The following GRIN2A variants were observed in gnomAD, a reference collection of about 807,000 sequenced individuals.
GRIN2A encodes glutamate receptor ionotropic, NMDA 2A.
A neutral mutation model predicts 113.4 loss-of-function variants in GRIN2A; 22 were observed. The observed-to-expected ratio is 0.19, with a 90% CI of 0.14 to 0.28. The LOEUF (loss-of-function observed/expected upper bound fraction) is 0.28, where lower values mean the gene tolerates loss of function less well. Among genes scored for constraint, GRIN2A ranks in the 10% least tolerant of loss-of-function variants. The probability of loss-of-function intolerance (pLI) is 1.00; values close to 1 mark genes in which losing one functional copy is unlikely to be tolerated. For synonymous variants in GRIN2A, 827 were observed against 738.4 expected, an observed-to-expected ratio of 1.12 and a Z score of -1.94; for missense variants, 1,502 against 1,887.0, an observed-to-expected ratio of 0.80 and a Z score of 3.78.
chr16:9,962,499 A>G (rs2045463013), intron 2 of GRIN2A, among the ~76,000 whole-genome samples: 1 of 152,052 alleles, frequency 6.6e-6, no homozygotes, highest in Admixed American at 6.6e-5. Context: ...GCAGCCAAAA[A>G]ACACATGAAA....
intron 4 of GRIN2A, among the ~76,000 whole-genome samples, chr16:9,867,682 G>A (rs544781569): frequency 1.3e-5 from 2 of 152,198 alleles, no homozygotes; most frequent in African/African-American, 4.8e-5. Context: ...TGAGTTCTCT[G>A]CCCTAGACTG....
intron 2 of GRIN2A, among the ~76,000 whole-genome samples, chr16:9,997,819 G>C (rs556995905): frequency 6.6e-6 from 1 of 152,056 alleles, no homozygotes; most frequent in Admixed American, 6.6e-5. Context: ...ATAAAGGGCA[G>C]TTCCCTTGCA....
intron 9 of GRIN2A, among the ~76,000 whole-genome samples, chr16:9,829,122 T>G (rs1222289998): frequency 6.6e-6 from 1 of 152,168 alleles, no homozygotes; most frequent in African/African-American, 2.4e-5. Context: ...ACCTAAGCAC[T>G]TGAGTCATAG....
chr16:10,038,671 GTC>G (rs145580821), intron 2 of GRIN2A, among the ~76,000 whole-genome samples: 20,992 of 151,082 alleles, frequency 0.14, 2,312 homozygotes, highest in East Asian at 0.5. Context: ...GTGAAACCCT[GTC>G]TCTACTATAA....
intron 2 of GRIN2A, among the ~76,000 whole-genome samples, chr16:10,096,781 T>G (rs2048302045): frequency 6.6e-6 from 1 of 152,146 alleles, no homozygotes; most frequent in African/African-American, 2.4e-5. Context: ...CTTCCCCTAC[T>G]GGTCAGTCCC....
intron 2 of GRIN2A, among the ~76,000 whole-genome samples, chr16:10,098,903 C>T (rs2048344028): frequency 6.6e-6 from 1 of 151,578 alleles, no homozygotes; most frequent in Admixed American, 6.6e-5. Flanking sequence ...CACTGAACTA[C>T]TCATGTAACC....
At position 10,018,214 on chromosome 16, in the gene GRIN2A, C is replaced by T. The variant is rs74979271; in HGVS notation, c.415-79663G>A. Among the ~76,000 whole-genome samples the T allele has an allele frequency of 6.6e-5, 10 of 152,250 alleles. No homozygotes were observed. In the East Asian group the frequency reaches 1.5e-3, roughly 24 times the overall value. On this transcript the variant is annotated intron_variant, in intron 2 of 12. Transcript: ENST00000330684. ...TCGTTTAGGAGGCAAAGCAGATGCA[C>T]GTGGGCCATTTCAAATAGAAAACCA...
chr16:10,142,954 T>G (rs1366860706), intron 2 of GRIN2A, among the ~76,000 whole-genome samples: 1 of 152,218 alleles, frequency 6.6e-6, no homozygotes, highest in Non-Finnish European at 1.5e-5. Flanking sequence ...ATGTAATTTG[T>G]TTGGTAATTA....
chr16:9,778,278 C>T lies in GRIN2A; in HGVS notation c.2357-9189G>A, dbSNP rs2267782. Among the ~76,000 whole-genome samples the T allele has an allele frequency of 1.9e-3, 296 of 152,236 alleles. 6 individuals carry two copies. The East Asian group carries it at 0.043, about 22-fold the overall frequency. On this transcript the variant is annotated intron_variant, in intron 11 of 12. Transcript: ENST00000330684. ...AGACGGCAGAAACCTTGTAGGAATC[C>T]AGGAAACCTTATTATATACCAAGCA...
intron 2 of GRIN2A, among the ~76,000 whole-genome samples, chr16:10,067,801 G>T (rs1303133196): frequency 6.6e-6 from 1 of 152,120 alleles, no homozygotes; most frequent in African/African-American, 2.4e-5. Flanking sequence ...ATTGGGCAGG[G>T]GGTGCTACTA....
intron 4 of GRIN2A, among the ~76,000 whole-genome samples, chr16:9,853,948 A>G (rs1431649341): frequency 6.6e-6 from 1 of 152,124 alleles, no homozygotes; most frequent in Admixed American, 6.5e-5. Context: ...TTGCTTCACA[A>G]TATTATACCT....
chr16:9,886,409 GA>G (rs1468067343), intron 4 of GRIN2A, among the ~76,000 whole-genome samples: 1 of 152,170 alleles, frequency 6.6e-6, no homozygotes, highest in Non-Finnish European at 1.5e-5. Context: ...CCAAATGCAT[GA>G]AGGAACCCAG....
intron 2 of GRIN2A, among the ~76,000 whole-genome samples, chr16:9,945,849 A>G (rs947593841): frequency 1.3e-5 from 2 of 152,090 alleles, no homozygotes; most frequent in Admixed American, 1.3e-4. Flanking sequence ...TTCGTTTGCT[A>G]TATCATTTAG....
chr16:9,831,091 T>C (rs530348374), intron 8 of GRIN2A, among the ~76,000 whole-genome samples: 6 of 152,296 alleles, frequency 3.9e-5, no homozygotes, highest in Non-Finnish European at 8.8e-5. Context: ...AAAACCATTT[T>C]GTACAAAGAA....
At chr16:9,966,314 A>G (rs1218662454) in intron 2 of GRIN2A, among the ~76,000 whole-genome samples, 1 of 151,944 alleles carries the variant, frequency 6.6e-6, no homozygotes, top group African/African-American at 2.4e-5. Context: ...TTTCCACTCT[A>G]TGTGTCCATG....
intron 2 of GRIN2A, among the ~76,000 whole-genome samples, chr16:10,129,907 A>G (rs2049026474): frequency 6.6e-6 from 1 of 152,250 alleles, no homozygotes; most frequent in Non-Finnish European, 1.5e-5. Context: ...TGCAGATTTC[A>G]TAAGGAGTTG....
At chr16:9,860,445 CAAA>C (rs35715098) in intron 4 of GRIN2A, among the ~76,000 whole-genome samples, 60 of 57,946 alleles carry the variant, frequency 1.0e-3, no homozygotes, top group South Asian at 2.4e-3. Flanking sequence ...AAGAGTCTCT[CAAA>C]AAAAAAAAAA....
chr16:10,055,060 AAAAAAAAAAAAAAAAAAAAAAAAAAG>A (rs2047424916), intron 2 of GRIN2A, among the ~76,000 whole-genome samples: 2 of 78,278 alleles, frequency 2.6e-5, no homozygotes, highest in African/African-American at 6.1e-5. Context: ...AAAAAAAAAA[AAAAAAAAAAAAAAAAAAAAAAAAAAG>A]AAAAAAGAAA....
chr16:9,962,789 A>G (rs953616007), intron 2 of GRIN2A, among the ~76,000 whole-genome samples: 36 of 152,080 alleles, frequency 2.4e-4, no homozygotes, highest in Admixed American at 1.8e-3. Context: ...CCAAAGGATT[A>G]TAAATCATGC....
Sources: gnomAD v4.1 joint callset for allele counts (sites outside exome capture counted in the v4.1 genomes callset) on GRCh38, gnomAD v4.1.1 for gene constraint, MANE v1.5 for transcripts, NCBI Gene and HGNC (gene_info 2026-07-23, HGNC 2026-07-21) for gene names.